Variants in MYO6 observed in about 807,000 individuals in gnomAD.
MYO6 encodes unconventional myosin-VI.
A neutral mutation model predicts 178.7 loss-of-function variants in MYO6; 74 were observed. That is an observed-to-expected ratio of 0.41 (90% CI 0.34 to 0.50). MYO6 has a LOEUF of 0.50. MYO6 is among the 20% of genes least tolerant of loss of function. MYO6 has a pLI of 0.09. For missense variants in MYO6, 1,330 were observed against 1,547.4 expected (o/e 0.86, Z 2.36); for synonymous variants, 477 against 504.6 (o/e 0.95, Z 0.73).
chr6:75,873,688 A>G (rs1302808595), intron 20 of MYO6, among the ~76,000 whole-genome samples: 1 of 152,192 alleles, frequency 6.6e-6, no homozygotes, highest in Non-Finnish European at 1.5e-5. Context: ...TAACAGCAAA[A>G]CTGGATCTTC....
chr6:75,888,170 G>T (rs2149362808), intron 25 of MYO6, among the ~76,000 whole-genome samples: 1 of 151,842 alleles, frequency 6.6e-6, no homozygotes, highest in South Asian at 2.1e-4. Flanking sequence ...CGCGCCTGTA[G>T]TTCCAGCTAC....
At chr6:75,899,373 CA>C (rs1779555036) in intron 30 of MYO6, among the ~76,000 whole-genome samples, 2 of 151,978 alleles carry the variant, frequency 1.3e-5, no homozygotes, top group Admixed American at 6.6e-5. Flanking sequence ...ACAACAAAAA[CA>C]AAACTTAATA....
intron 16 of MYO6, among the ~76,000 whole-genome samples, chr6:75,865,565 A>C (rs1486334261): frequency 6.6e-6 from 1 of 151,056 alleles, no homozygotes; most frequent in African/African-American, 2.4e-5. Context: ...GGGTTTTGCC[A>C]TGTTGCTCAG....
In MYO6 at chr6:75,859,798, T is replaced by C. The variant is rs192870327; in HGVS notation, c.1473+805T>C. Among the ~76,000 whole-genome samples, 1,162 of 152,088 alleles carry C rather than the reference T, an allele frequency of 7.6e-3. 43 individuals carry two copies. Among genetic ancestry groups the C allele is most frequent in the Admixed American group, 0.063 (962 of 15,252 alleles). On this transcript the variant is annotated intron_variant, in intron 14 of 34. Coordinates refer to ENST00000369977, the MANE Select transcript of MYO6 (RefSeq NM_004999.4). ...CCTCAGCCTCCTGAGTAGCTGGGAC[T>C]ACAGGCACGCGCCACCATGGCCGGC...
intron 1 of MYO6, among the ~76,000 whole-genome samples, chr6:75,781,897 G>A (rs1471469327): frequency 8.0e-6 from 1 of 125,538 alleles, no homozygotes; most frequent in African/African-American, 3.0e-5. Context: ...CAGCCTGAGC[G>A]ACTGAGCAAG....
rs547513850 is a variant in MYO6 at position 75,775,309 on chromosome 6, A to C, written c.-48+25886A>C. Reference sequence around the variant, plus strand: ...CGAGCTGAGCAAATTCTTCCATAGCAGGCACAGAAGAAATTGTGCAGGTCA... The same window carrying C: ...CGAGCTGAGCAAATTCTTCCATAGCCGGCACAGAAGAAATTGTGCAGGTCA... On this transcript the variant is annotated intron_variant, in intron 1 of 34. Transcript: ENST00000369977. 3.9e-4 allele frequency among the ~76,000 whole-genome samples: 60 copies of C among 152,292 alleles called. 1 individual carries two copies. The highest frequency in any genetic ancestry group is 1.3e-3 in the African/African-American group (56 of 41,560).
chr6:75,753,441 A>ATG lies in MYO6; in HGVS notation c.-48+4032_-48+4033dup, dbSNP rs763065617. Among the ~76,000 whole-genome samples, 1,065 of 140,446 alleles carry ATG rather than the reference A, an allele frequency of 7.6e-3. 5 individuals are homozygous for ATG. Among genetic ancestry groups the ATG allele is most frequent in the East Asian group, 0.013 (64 of 4,984 alleles). 92.1% of individuals were successfully genotyped at this position (140,446 alleles called of 152,430 possible). ...ATATGCATGTATCTATGATCTATAT[A>ATG]TGTGTGTGTGTGTGTATATATATAT... is the stretch of plus-strand genomic sequence containing the variant. On this transcript the variant is annotated intron_variant, in intron 1 of 34. Transcript: ENST00000369977.
chr6:75,898,490 G>C, intron 30 of MYO6, 79 bp downstream of exon 30: 1 of 1,226,438 alleles, frequency 8.2e-7, no homozygotes, highest in Non-Finnish European at 1.2e-6. Flanking sequence ...ATTTGGACCA[G>C]AACCTGTTAC....
At chr6:75,895,397 T>A in intron 29 of MYO6, 137 bp downstream of exon 29, 1 of 726,560 alleles carries the variant, frequency 1.4e-6, no homozygotes, top group Non-Finnish European at 2.3e-6. Flanking sequence ...TTTTCTTGTC[T>A]AGGAAAGTTT....
intron 30 of MYO6, among the ~76,000 whole-genome samples, chr6:75,907,197 A>C (rs2149413899): frequency 6.6e-6 from 1 of 152,342 alleles, no homozygotes; most frequent in East Asian, 1.9e-4. Context: ...CTCATTGCTC[A>C]TAAACAAAAC....
rs372510202 is a variant in MYO6, at chr6:75,886,022, A to G, written c.2435A>G (p.Tyr812Cys). 5 of 1,607,368 alleles carry G rather than the reference A, an allele frequency of 3.1e-6. No individual in the cohort carries two copies. The highest frequency in any genetic ancestry group is 2.7e-5 in the African/African-American group (2 of 74,810). Residue 812 changes from tyrosine to cysteine, a missense_variant, in exon 24 of 35, where the codon TAT becomes TGT. Physicochemically the swap from Tyr to Cys is radical, Grantham distance 194 (BLOSUM62 -2). Coordinates refer to ENST00000369977, the MANE Select transcript of MYO6 (RefSeq NM_004999.4). Reference sequence around the variant, plus strand: ...CACATAGTGAAAAACAAAATAAAATATCGAGCTGAAGCCTGCATTAAAATG... The same window carrying G: ...CACATAGTGAAAAACAAAATAAAATGTCGAGCTGAAGCCTGCATTAAAATG... The part of the protein sequence containing the change: ...SVIKLKNKIK[Y>C]RAEACIKMQK...
rs121912559 is a variant in MYO6 at position 75,840,678 on chromosome 6, A to T, written c.647A>T (p.Glu216Val). The T allele has an allele frequency of 1.9e-4, 306 of 1,606,212 alleles. 2 individuals carry two copies. The South Asian group carries it at 3.2e-3, about 17-fold the overall frequency. Residue 216 changes from glutamate to valine, a missense_variant, in exon 8 of 35, where the codon GAA becomes GTA. By Grantham distance (121) the Glu-to-Val change is moderately radical. Transcript: ENST00000369977. ...AAATTTGTAGAAATACATTTTAATG[A>T]AAAGGTAAGTGAGAGTAAGCTTTGG... is the stretch of plus-strand genomic sequence containing the variant. Reference protein sequence around the residue: ...FGKFVEIHFNEKSSVVGGFVS... With the variant: ...FGKFVEIHFNVKSSVVGGFVS...
At position 75,863,145 on chromosome 6, in the gene MYO6, G is replaced by A. The variant is rs72654787; in HGVS notation, c.1674+422G>A. Among the ~76,000 whole-genome samples, 1,993 of 152,206 alleles carry A rather than the reference G, an allele frequency of 0.013. 75 individuals carry two copies. The East Asian group carries it at 0.15, about 11-fold the overall frequency. ...GCTGTCTTCATGGTCTCCCTTCTGA[G>A]CTAAGTGGGTATCAGTTGCTTTGTT... is the stretch of plus-strand genomic sequence containing the variant. On this transcript the variant is annotated intron_variant, in intron 16 of 34. Coordinates refer to ENST00000369977, the MANE Select transcript of MYO6 (RefSeq NM_004999.4).
At chr6:75,835,876 A>G (rs981417287) in intron 6 of MYO6, 25 bp from the exon 7 acceptor site, 1 of 1,419,324 alleles carries the variant, frequency 7.0e-7, no homozygotes, top group Non-Finnish European at 1.0e-6. Context: ...TGTCATCAAC[A>G]TTTTTTATCC....
rs188757402 is a variant in MYO6 at position 75,810,264 on chromosome 6, T to C, written c.-47-7237T>C. 2.3e-3 allele frequency among the ~76,000 whole-genome samples: 351 copies of C among 152,286 alleles called. 1 individual carries two copies. Among genetic ancestry groups the C allele is most frequent in the Non-Finnish European group, 4.0e-3 (272 of 68,028 alleles). On this transcript the variant is annotated intron_variant, in intron 1 of 34. Coordinates refer to ENST00000369977, the MANE Select transcript of MYO6 (RefSeq NM_004999.4). ...AAATGCCTGGCTGCATTAATTACTA[T>C]GAAATTCTCTACAGATGCAAATTTC...
At chr6:75,909,261 A>C (rs1046344637) in intron 32 of MYO6, among the ~76,000 whole-genome samples, 2 of 152,166 alleles carry the variant, frequency 1.3e-5, no homozygotes, top group African/African-American at 4.8e-5. Flanking sequence ...CAATATTGTT[A>C]TCTTTTTTAT....
At chr6:75,849,618 G>T (rs1043218197) in intron 11 of MYO6, among the ~76,000 whole-genome samples, 1 of 152,172 alleles carries the variant, frequency 6.6e-6, no homozygotes, top group Non-Finnish European at 1.5e-5. Flanking sequence ...AAAAGCCATA[G>T]ACTTTATTGA....
intron 18 of MYO6, among the ~76,000 whole-genome samples, chr6:75,870,356 T>A (rs1777045252): frequency 6.6e-6 from 1 of 152,250 alleles, no homozygotes; most frequent in Non-Finnish European, 1.5e-5. Context: ...TGTACATTTT[T>A]TCCTCATTCA....
chr6:75,914,263 C>G lies in MYO6; in HGVS notation c.3640C>G (p.Pro1214Ala). The change falls in exon 34 of 35, where the codon CCC (proline) becomes GCC (alanine). Residue 1214 changes from proline to alanine, a missense_variant. This residue lies in a region of MYO6 where 601 missense variants were observed against 626.1 expected (regional missense o/e 0.96). Transcript: ENST00000369977. ...AATGGAACTCCATCCTGACAAGCCACCCATCCTACTTGTGGCTGGTGTGTA... is the reference window on the plus strand; with the variant it reads ...AATGGAACTCCATCCTGACAAGCCAGCCATCCTACTTGTGGCTGGTGTGTA... The part of the protein sequence containing the change: ...RQMELHPDKP[P>A]ILLVAGKDDM... 6.2e-7 allele frequency: 1 copy of G among 1,614,168 alleles called. No individual in the cohort carries two copies. Among genetic ancestry groups the G allele is most frequent in the Non-Finnish European group, 8.5e-7 (1 of 1,180,030 alleles).
Sources: allele counts gnomAD v4.1 joint callset (sites outside exome capture counted in the v4.1 genomes callset), GRCh38; gene constraint gnomAD v4.1.1; regional missense constraint gnomAD v4.1.1; transcripts MANE v1.5; gene names NCBI Gene and HGNC (gene_info 2026-07-23, HGNC 2026-07-21).